The following NBAS variants were observed in gnomAD, a reference collection of about 807,000 sequenced individuals.
NBAS encodes the protein NBAS subunit of NRZ tethering complex.
In NBAS, 219 loss-of-function variants were observed where a neutral mutation model predicts 302.5. That is an observed-to-expected ratio of 0.72 (90% CI 0.65 to 0.81). NBAS has a LOEUF of 0.81. NBAS is among the 30% of genes least tolerant of loss of function. The pLI, the probability that NBAS is intolerant of heterozygous loss-of-function variation, is 0.00. For synonymous variants in NBAS, 1,118 were observed against 1,021.6 expected (o/e 1.09, Z -1.80); for missense variants, 2,932 against 2,841.6 (o/e 1.03, Z -0.72).
downstream of NBAS, among the ~76,000 whole-genome samples, chr2:15,163,013 G>A (rs1462807675): frequency 6.6e-6 from 1 of 152,174 alleles, no homozygotes; most frequent in Non-Finnish European, 1.5e-5. Context: ...CAAGGTGAGG[G>A]GAAACAACAG....
chr2:14,971,105 T>G, the NBAS span, among the ~76,000 whole-genome samples: 1 of 152,238 alleles, frequency 6.6e-6, no homozygotes, highest in Non-Finnish European at 1.5e-5. Flanking sequence ...ATTTTAGCCC[T>G]CTTGAACCAA....
At chr2:15,188,638 G>C (rs1413120504) in intron 49 of NBAS, among the ~76,000 whole-genome samples, 1 of 152,196 alleles carries the variant, frequency 6.6e-6, no homozygotes, top group Non-Finnish European at 1.5e-5. Flanking sequence ...CATTTCATAT[G>C]TGGCTACAAA....
the NBAS span, among the ~76,000 whole-genome samples, chr2:14,872,984 G>C: frequency 6.6e-6 from 1 of 152,222 alleles, no homozygotes; most frequent in Non-Finnish European, 1.5e-5. Context: ...CCAGTGAGCA[G>C]CAGTAAGATT....
chr2:15,131,038 C>CGCCAA, the NBAS span, among the ~76,000 whole-genome samples: 1 of 152,100 alleles, frequency 6.6e-6, no homozygotes, highest in Non-Finnish European at 1.5e-5. Flanking sequence ...ACATATTATA[C>CGCCAA]GCCAACCCTT....
chr2:15,515,661 A>C (rs1229815880), intron 9 of NBAS, among the ~76,000 whole-genome samples: 5 of 152,242 alleles, frequency 3.3e-5, no homozygotes. Flanking sequence ...GCTTATGGTG[A>C]TGATTGGCCA....
At chr2:15,081,448 C>T in the NBAS span, among the ~76,000 whole-genome samples, 1 of 152,160 alleles carries the variant, frequency 6.6e-6, no homozygotes, top group African/African-American at 2.4e-5. Flanking sequence ...CATACTTATA[C>T]ATTTACTTAC....
chr2:14,930,565 C>T, the NBAS span, among the ~76,000 whole-genome samples: 1 of 152,182 alleles, frequency 6.6e-6, no homozygotes, highest in East Asian at 1.9e-4. Flanking sequence ...AAATAGTTTT[C>T]TGCTTACACC....
chr2:15,165,604 C>T (rs539321126), downstream of NBAS, among the ~76,000 whole-genome samples: 5 of 152,250 alleles, frequency 3.3e-5, no homozygotes, highest in East Asian at 5.8e-4. Context: ...AACTATAAGG[C>T]GAAGCGATGT....
At chr2:15,082,732 T>C in the NBAS span, among the ~76,000 whole-genome samples, 1 of 152,146 alleles carries the variant, frequency 6.6e-6, no homozygotes, top group Non-Finnish European at 1.5e-5. Context: ...GCTACAAAGA[T>C]CATAAGAACT....
the NBAS span, among the ~76,000 whole-genome samples, chr2:15,060,597 G>C: frequency 6.6e-6 from 1 of 152,098 alleles, no homozygotes; most frequent in African/African-American, 2.4e-5. Context: ...GGCAGATGAG[G>C]GAGCACACAC....
At chr2:15,205,008 TAATAAAA>T (rs1365066685) in intron 48 of NBAS, among the ~76,000 whole-genome samples, 1 of 151,502 alleles carries the variant, frequency 6.6e-6, no homozygotes, top group Non-Finnish European at 1.5e-5. Context: ...TAAACTATAA[TAATAAAA>T]AATAAAAAAA....
intron 9 of NBAS, among the ~76,000 whole-genome samples, chr2:15,519,316 G>T (rs1336645947): frequency 6.6e-6 from 1 of 152,156 alleles, no homozygotes; most frequent in African/African-American, 2.4e-5. Context: ...CGGTTAGGGG[G>T]CTTGCATTCC....
At position 15,417,555 on chromosome 2, in the gene NBAS, A is replaced by G. The variant is rs751853971; in HGVS notation, c.2735T>C (p.Ile912Thr). ...ATTCATCAGTAATCTTAGTTTTTCAATGTCTTTCATCTGCTGGAGTTCTTT... is the reference window on the plus strand; with the variant it reads ...ATTCATCAGTAATCTTAGTTTTTCAGTGTCTTTCATCTGCTGGAGTTCTTT... ...TLKELQQMKDIEKLRLLMNSC... is the reference protein window; with the variant it reads ...TLKELQQMKDTEKLRLLMNSC... Residue 912 changes from isoleucine to threonine, a missense_variant, in exon 24 of 52, where the codon ATT becomes ACT. Ile to Thr is a moderately conservative substitution (Grantham distance 89). Transcript: ENST00000281513. 5 of 1,613,824 alleles carry G rather than the reference A, an allele frequency of 3.1e-6. No individual in the cohort carries two copies. Among genetic ancestry groups the G allele is most frequent in the Admixed American group, 3.3e-5 (2 of 60,002 alleles).
chr2:15,065,302 T>C, the NBAS span, among the ~76,000 whole-genome samples: 1 of 152,096 alleles, frequency 6.6e-6, no homozygotes, highest in South Asian at 2.1e-4. Context: ...TTATACTCAC[T>C]GATGAAAAAC....
intron 32 of NBAS, among the ~76,000 whole-genome samples, chr2:15,360,509 G>A (rs1488890025): frequency 6.6e-6 from 1 of 151,752 alleles, no homozygotes; most frequent in Non-Finnish European, 1.5e-5. Context: ...CCACACCCAG[G>A]AAATTTTTAT....
chr2:15,199,337 G>A (rs1335033747), intron 48 of NBAS, among the ~76,000 whole-genome samples: 5 of 152,006 alleles, frequency 3.3e-5, no homozygotes, highest in Non-Finnish European at 7.4e-5. Flanking sequence ...ATTTGAATTC[G>A]CCAAAATACT....
At position 15,328,273 on chromosome 2, in the gene NBAS, C is replaced by T; in HGVS notation, c.4387G>A (p.Ala1463Thr). ...CGGAYQIGTT[A>T]NEDLEKQGCH... ...CCTTGTTTCTCTAGATCTTCATTGG[C>T]TGTAGTTCCGATTTGATATGCACCA... Residue 1463 changes from alanine (A) to threonine (T), a missense_variant, in exon 37 of 52, where the codon GCC becomes ACC. Ala to Thr is a moderately conservative substitution (Grantham distance 58, BLOSUM62 0). Coordinates refer to ENST00000281513, the MANE Select transcript of NBAS (RefSeq NM_015909.4). 6.2e-7 allele frequency: 1 copy of T among 1,613,846 alleles called. No individual in the cohort carries two copies. The highest frequency in any genetic ancestry group is 2.2e-5 in the East Asian group (1 of 44,866).
chr2:15,116,553 T>C, the NBAS span, among the ~76,000 whole-genome samples: 1 of 152,212 alleles, frequency 6.6e-6, no homozygotes, highest in East Asian at 1.9e-4. Context: ...TATCCAAATA[T>C]AGTCATACTG....
intron 16 of NBAS, 134 bp downstream of exon 16, chr2:15,473,088 G>T: frequency 9.8e-7 from 1 of 1,015,600 alleles, no homozygotes; most frequent in Non-Finnish European, 1.4e-6. Flanking sequence ...CATTTTTCCA[G>T]CTGAGAAAAT....
Sources: gnomAD v4.1 joint callset for allele counts (sites outside exome capture counted in the v4.1 genomes callset) on GRCh38, gnomAD v4.1.1 for gene constraint, MANE v1.5 for transcripts, NCBI Gene and HGNC (gene_info 2026-07-23, HGNC 2026-07-21) for gene names.